LRP1B: variants seen among roughly 807,000 people sequenced by gnomAD.
The protein encoded by LRP1B is LDL receptor related protein 1B.
Under a neutral mutation model 556.6 loss-of-function variants are expected in LRP1B, and 217 were observed. The ratio of observed to expected loss-of-function variants is 0.39; its 90% confidence interval spans 0.35 to 0.44. The LOEUF (loss-of-function observed/expected upper bound fraction) is 0.44, where lower values mean the gene tolerates loss of function less well. Among genes scored for constraint, LRP1B ranks in the 20% least tolerant of loss-of-function variants. The probability of loss-of-function intolerance (pLI) is 1.00; values close to 1 mark genes in which losing one functional copy is unlikely to be tolerated. For synonymous variants in LRP1B, 2,047 were observed against 1,865.8 expected, an observed-to-expected ratio of 1.10 and a Z score of -2.50; for missense variants, 5,053 against 5,620.8, an observed-to-expected ratio of 0.90 and a Z score of 3.23.
intron 1 of LRP1B, among the ~76,000 whole-genome samples, chr2:141,861,383 T>C (rs955069393): frequency 6.6e-6 from 1 of 152,188 alleles, no homozygotes; most frequent in Non-Finnish European, 1.5e-5. Context: ...GTGACTTCCA[T>C]ATTTTGGCTG....
rs145761044 is a variant in LRP1B at position 141,485,610 on chromosome 2, T to A, written c.206-5077A>T. 3.7e-3 allele frequency among the ~76,000 whole-genome samples: 564 copies of A among 152,258 alleles called. 1 individual carries two copies. Among genetic ancestry groups the A allele is most frequent in the Admixed American group, 9.2e-3 (140 of 15,270 alleles). ...ATAGATATTTCATATACTGTTGCTT[T>A]GGGGATTACTCTATCCTAATTCCCA... On this transcript the variant is annotated intron_variant, in intron 2 of 90. Transcript: ENST00000389484.
chr2:141,973,492 A>G (rs987919181), intron 1 of LRP1B, among the ~76,000 whole-genome samples: 2 of 151,798 alleles, frequency 1.3e-5, no homozygotes, highest in African/African-American at 2.4e-5. Context: ...CAGTTTTTAT[A>G]TCTGTTTCTT....
At chr2:140,725,951 G>A (rs745670948) in intron 35 of LRP1B, among the ~76,000 whole-genome samples, 4 of 152,086 alleles carry the variant, frequency 2.6e-5, no homozygotes, top group Non-Finnish European at 5.9e-5. Context: ...GTTCTCAAAT[G>A]GCTACCCATT....
In LRP1B at chr2:141,361,392, C is replaced by T. The variant is rs750646385; in HGVS notation, c.344-106751G>A. Among the ~76,000 whole-genome samples, 38 of 152,206 alleles carry T rather than the reference C, an allele frequency of 2.5e-4. 1 individual carries two copies. The highest frequency in any genetic ancestry group is 6.8e-3 in the Middle Eastern group (2 of 294). On this transcript the variant is annotated intron_variant, in intron 3 of 90. Coordinates refer to ENST00000389484, the MANE Select transcript of LRP1B (RefSeq NM_018557.3). Reference sequence around the variant, plus strand: ...AGGTTCCTTATTGTTTCTTGCTTGTCTAAATGTTTTAAATTATATTCATAT... The same window carrying T: ...AGGTTCCTTATTGTTTCTTGCTTGTTTAAATGTTTTAAATTATATTCATAT...
intron 1 of LRP1B, among the ~76,000 whole-genome samples, chr2:142,092,531 C>T (rs1327929342): frequency 5.3e-5 from 8 of 151,864 alleles, no homozygotes; most frequent in Non-Finnish European, 1.0e-4. Flanking sequence ...TACAAGAAAT[C>T]CAATGCTTTC....
At chr2:140,392,254 A>G (rs1333636962) in intron 66 of LRP1B, among the ~76,000 whole-genome samples, 5 of 152,094 alleles carry the variant, frequency 3.3e-5, no homozygotes, top group African/African-American at 1.2e-4. Flanking sequence ...TTTGCTCACA[A>G]GGAAATTCCT....
intron 29 of LRP1B, among the ~76,000 whole-genome samples, chr2:140,844,016 T>C (rs1370487242): frequency 3.3e-5 from 5 of 152,250 alleles, no homozygotes; most frequent in South Asian, 2.1e-4. Flanking sequence ...AATATGTCTA[T>C]GTTGAGGAGT....
chr2:141,905,467 T>TC (rs1282775053), intron 1 of LRP1B, among the ~76,000 whole-genome samples: 1 of 151,850 alleles, frequency 6.6e-6, no homozygotes, highest in Non-Finnish European at 1.5e-5. Flanking sequence ...ACTTTTTTTT[T>TC]CAAGTTATAA....
chr2:140,596,666 T>C (rs920961963), intron 43 of LRP1B, among the ~76,000 whole-genome samples: 24 of 152,170 alleles, frequency 1.6e-4, no homozygotes, highest in African/African-American at 5.3e-4. Flanking sequence ...GTACACTTAG[T>C]TGGGTCCTTT....
chr2:141,042,685 G>A (rs1412289433), intron 11 of LRP1B, among the ~76,000 whole-genome samples: 1 of 152,048 alleles, frequency 6.6e-6, no homozygotes, highest in Non-Finnish European at 1.5e-5. Context: ...GAGCTGTTGA[G>A]TGGATTGTAT....
chr2:141,332,546 C>T (rs2105497179), intron 3 of LRP1B, among the ~76,000 whole-genome samples: 1 of 151,444 alleles, frequency 6.6e-6, no homozygotes, highest in African/African-American at 2.4e-5. Context: ...TAGTAGTTTT[C>T]AGCTAATATC....
chr2:141,108,334 CTTTTTTTTTT>C (rs60275697), intron 7 of LRP1B, among the ~76,000 whole-genome samples: 13 of 88,522 alleles, frequency 1.5e-4, no homozygotes, highest in Middle Eastern at 0.01. Context: ...TAATCTGTTT[CTTTTTTTTTT>C]TTTTTTTTTT....
At chr2:141,808,502 T>C (rs972041035) in intron 2 of LRP1B, among the ~76,000 whole-genome samples, 1 of 152,102 alleles carries the variant, frequency 6.6e-6, no homozygotes. Flanking sequence ...GCATTTATTA[T>C]TGTTGTTTTT....
intron 89 of LRP1B, among the ~76,000 whole-genome samples, chr2:140,235,431 G>A (rs1041009082): frequency 6.6e-6 from 1 of 151,130 alleles, no homozygotes; most frequent in Non-Finnish European, 1.5e-5. Context: ...CAAAGTGAAT[G>A]CTCTATAAAA....
chr2:140,257,515 C>T (rs554796042), intron 86 of LRP1B, among the ~76,000 whole-genome samples: 1 of 152,230 alleles, frequency 6.6e-6, no homozygotes, highest in South Asian at 2.1e-4. Flanking sequence ...GCCACTTGTA[C>T]CTCGAAGCAC....
At chr2:140,552,290 AAC>A (rs1680573351) in intron 43 of LRP1B, among the ~76,000 whole-genome samples, 6 of 152,138 alleles carry the variant, frequency 3.9e-5, no homozygotes, top group African/African-American at 1.4e-4. Flanking sequence ...CATAAATAAA[AAC>A]AGTTATTATG....
intron 79 of LRP1B, among the ~76,000 whole-genome samples, chr2:140,327,404 A>T (rs1680544741): frequency 2.0e-5 from 3 of 152,108 alleles, no homozygotes; most frequent in Non-Finnish European, 4.4e-5. Context: ...GAGAAATAAT[A>T]ATTAAGCAAG....
At chr2:140,496,017 G>A (rs1162999605) in intron 55 of LRP1B, among the ~76,000 whole-genome samples, 1 of 152,060 alleles carries the variant, frequency 6.6e-6, no homozygotes, top group African/African-American at 2.4e-5. Context: ...GTTAGAGATT[G>A]GCAAGGCAAA....
At chr2:140,873,868 G>T (rs771906614) in intron 25 of LRP1B, among the ~76,000 whole-genome samples, 142 of 151,610 alleles carry the variant, frequency 9.4e-4, no homozygotes, top group Non-Finnish European at 1.6e-3. Context: ...TTATTTAAAG[G>T]TTATGTATAA....
Sources: allele counts gnomAD v4.1 joint callset (sites outside exome capture counted in the v4.1 genomes callset), GRCh38; gene constraint gnomAD v4.1.1; transcripts MANE v1.5; gene names NCBI Gene and HGNC (gene_info 2026-07-23, HGNC 2026-07-21).